Variants in RANBP2 observed in about 807,000 individuals in gnomAD.
The protein encoded by RANBP2 is RAN binding protein 2.
Under a neutral mutation model 303.6 loss-of-function variants are expected in RANBP2, and 57 were observed. The ratio of observed to expected loss-of-function variants is 0.19; its 90% CI spans 0.15 to 0.23. The LOEUF (loss-of-function observed/expected upper bound fraction) is 0.23. Among genes scored for constraint, RANBP2 ranks in the 10% least tolerant of loss-of-function variants. RANBP2 has a pLI of 1.00. For missense variants in RANBP2, 3,138 were observed against 3,780.8 expected, an observed-to-expected ratio of 0.83 and a Z score of 4.46; for synonymous variants, 1,167 against 1,301.5, an observed-to-expected ratio of 0.90 and a Z score of 2.23.
chr2:109,410,093 C>T, the RANBP2 span, among the ~76,000 whole-genome samples: 1 of 152,216 alleles, frequency 6.6e-6, no homozygotes, highest in African/African-American at 2.4e-5. Context: ...TTCCCAGCCA[C>T]TGCTTAGGGG....
the RANBP2 span, among the ~76,000 whole-genome samples, chr2:109,724,612 G>A: frequency 1.5e-3 from 235 of 152,226 alleles, 2 homozygotes; most frequent in Non-Finnish European, 2.4e-3. Context: ...CCAAGGGTGC[G>A]CCTTGTACCC....
At chr2:108,876,118 G>T in the RANBP2 span, 1 of 1,602,274 alleles carries the variant, frequency 6.2e-7, no homozygotes, top group Non-Finnish European at 8.5e-7. Flanking sequence ...AACTTTTTAC[G>T]ATTCATCTGA....
At chr2:108,744,460 A>G (rs1696354676) in intron 7 of RANBP2, among the ~76,000 whole-genome samples, 1 of 152,290 alleles carries the variant, frequency 6.6e-6, no homozygotes, top group South Asian at 2.1e-4. Flanking sequence ...TGGATTCACA[A>G]CTAATTAACT....
chr2:109,464,549 A>G, the RANBP2 span, among the ~76,000 whole-genome samples: 1 of 152,322 alleles, frequency 6.6e-6, no homozygotes, highest in African/African-American at 2.4e-5. Flanking sequence ...CATCCTGCAG[A>G]GTTGATCCAC....
the RANBP2 span, among the ~76,000 whole-genome samples, chr2:109,188,065 T>C: frequency 0.82 from 124,394 of 152,228 alleles, 50,953 homozygotes; most frequent in East Asian, 0.89. Flanking sequence ...CCCGTGAGCG[T>C]AGTGAGTGGT....
At chr2:108,932,356 G>A in the RANBP2 span, among the ~76,000 whole-genome samples, 7 of 151,652 alleles carry the variant, frequency 4.6e-5, no homozygotes, top group East Asian at 1.9e-4. Context: ...GTGAAACCTC[G>A]TCTCTACTAA....
chr2:109,078,847 CG>C, the RANBP2 span, among the ~76,000 whole-genome samples: 1 of 150,184 alleles, frequency 6.7e-6, no homozygotes, highest in Non-Finnish European at 1.5e-5. Context: ...AAAAAATAGC[CG>C]GGTGTGGTGG....
the RANBP2 span, among the ~76,000 whole-genome samples, chr2:109,282,000 C>G: frequency 6.6e-6 from 1 of 152,130 alleles, no homozygotes; most frequent in Non-Finnish European, 1.5e-5. Context: ...TCGGGATGCT[C>G]CAGGGCTCAG....
chr2:109,430,815 C>A, the RANBP2 span, among the ~76,000 whole-genome samples: 1 of 152,250 alleles, frequency 6.6e-6, no homozygotes. Flanking sequence ...AGAGTTGGTC[C>A]TAATTTCACT....
At chr2:109,532,552 G>A in the RANBP2 span, among the ~76,000 whole-genome samples, 1 of 151,138 alleles carries the variant, frequency 6.6e-6, no homozygotes, top group African/African-American at 2.5e-5. Flanking sequence ...TGACAGAAGG[G>A]CCCTGACCCC....
chr2:108,790,136 A>G (rs1679665138), downstream of RANBP2, among the ~76,000 whole-genome samples: 1 of 152,166 alleles, frequency 6.6e-6, no homozygotes, highest in African/African-American at 2.4e-5. Flanking sequence ...TAAGTACTCA[A>G]ATGTTACCTA....
chr2:109,044,401 T>G, the RANBP2 span, among the ~76,000 whole-genome samples: 2 of 151,900 alleles, frequency 1.3e-5, no homozygotes, highest in African/African-American at 2.4e-5. Flanking sequence ...CGGACACCTG[T>G]AGTCCCAGCT....
chr2:109,475,081 G>A, the RANBP2 span, among the ~76,000 whole-genome samples: 10 of 152,232 alleles, frequency 6.6e-5, no homozygotes, highest in African/African-American at 2.4e-4. Context: ...AGGTTCGAGC[G>A]ATCCTCCTGC....
At chr2:109,652,228 T>TG in the RANBP2 span, among the ~76,000 whole-genome samples, 1 of 107,424 alleles carries the variant, frequency 9.3e-6, no homozygotes, top group East Asian at 4.1e-4. Context: ...TTTTTGTTTG[T>TG]TTTTTTTTTT....
intron 18 of RANBP2, among the ~76,000 whole-genome samples, chr2:108,759,553 T>G (rs1380122383): frequency 1.3e-5 from 2 of 152,170 alleles, no homozygotes; most frequent in East Asian, 3.8e-4. Flanking sequence ...ATGAGCACAT[T>G]TGTGTGATGG....
chr2:109,488,933 A>G, the RANBP2 span, among the ~76,000 whole-genome samples: 3 of 152,194 alleles, frequency 2.0e-5, no homozygotes, highest in Admixed American at 1.3e-4. Flanking sequence ...CCCGTGCTGC[A>G]TGGCTCAGAG....
chr2:109,268,635 G>A, the RANBP2 span, among the ~76,000 whole-genome samples: 4 of 152,100 alleles, frequency 2.6e-5, no homozygotes, highest in Non-Finnish European at 2.9e-5. Context: ...GTGCAGAAGC[G>A]ATACACATTC....
At chr2:108,741,811 C>A (rs1020625285) in intron 7 of RANBP2, among the ~76,000 whole-genome samples, 1 of 108,974 alleles carries the variant, frequency 9.2e-6, no homozygotes, top group Non-Finnish European at 1.8e-5. Context: ...CACACCCAGC[C>A]TTTTTTTTTT....
the RANBP2 span, among the ~76,000 whole-genome samples, chr2:108,954,632 T>C: frequency 2.0e-5 from 3 of 152,300 alleles, no homozygotes; most frequent in South Asian, 2.1e-4. Context: ...CTCTGTCACA[T>C]TCCCTCAGTG....
Sources: gnomAD v4.1 joint callset for allele counts (sites outside exome capture counted in the v4.1 genomes callset) on GRCh38, gnomAD v4.1.1 for gene constraint, MANE v1.5 for transcripts, NCBI Gene and HGNC (gene_info 2026-07-23, HGNC 2026-07-21) for gene names.